The following IDE variants were observed in gnomAD, a reference collection of about 807,000 sequenced individuals.
IDE encodes insulin degrading enzyme.
IDE carries 58 observed loss-of-function variants against 133.2 expected under a neutral mutation model. The observed-to-expected ratio is 0.44, with a 90% CI of 0.35 to 0.54. The LOEUF (loss-of-function observed/expected upper bound fraction) is 0.54, where lower values mean the gene tolerates loss of function less well. Among genes scored for constraint, IDE ranks in the 20% least tolerant of loss-of-function variants. The probability of loss-of-function intolerance (pLI) is 0.00; values close to 1 mark genes in which losing one functional copy is unlikely to be tolerated. For synonymous variants in IDE, 396 were observed against 421.3 expected, an observed-to-expected ratio of 0.94 and a Z score of 0.73; for missense variants, 981 against 1,234.0, an observed-to-expected ratio of 0.79 and a Z score of 3.07.
chr10:92,516,322 CCTCT>C (rs1356615656), intron 4 of IDE, among the ~76,000 whole-genome samples: 2 of 151,958 alleles, frequency 1.3e-5, no homozygotes, highest in African/African-American at 2.4e-5. Flanking sequence ...GGTGAAAACC[CCTCT>C]CTATTAAAAA....
At chr10:92,491,011 G>T (rs1463394372) in intron 11 of IDE, among the ~76,000 whole-genome samples, 4 of 152,190 alleles carry the variant, frequency 2.6e-5, no homozygotes, top group African/African-American at 7.2e-5. Context: ...GCTGAGGCAG[G>T]ATGCTCACTT....
At position 92,536,715 on chromosome 10, in the gene IDE, A is replaced by G. The variant is rs1160755820; in HGVS notation, c.283+651T>C. Among the ~76,000 whole-genome samples, 5 of 146,788 alleles carry G rather than the reference A, an allele frequency of 3.4e-5. No individual in the cohort carries two copies. In the East Asian group the frequency reaches 6.1e-4, roughly 18 times the overall value. On this transcript the variant is annotated intron_variant, in intron 2 of 24. Transcript: ENST00000265986. Reference sequence around the variant, plus strand: ...CTCCCACTCAGAAAAAAAAAAAAAGAAAAAAGAAATGTGCACACAAGAACC... The same window carrying G: ...CTCCCACTCAGAAAAAAAAAAAAAGGAAAAAGAAATGTGCACACAAGAACC...
At chr10:92,460,506 TA>T (rs1324523374) in intron 22 of IDE, among the ~76,000 whole-genome samples, 2 of 152,168 alleles carry the variant, frequency 1.3e-5, no homozygotes, top group African/African-American at 2.4e-5. Context: ...GTCCTTGGTT[TA>T]GAGCATGGGT....
At chr10:92,507,544 C>T in intron 9 of IDE, 31 bp downstream of exon 9, 1 of 1,132,282 alleles carries the variant, frequency 8.8e-7, no homozygotes, top group Non-Finnish European at 1.3e-6. Context: ...AAACAGATTC[C>T]TTAAGAAAAA....
intron 11 of IDE, among the ~76,000 whole-genome samples, chr10:92,494,125 G>C (rs1035680384): frequency 6.6e-6 from 1 of 151,916 alleles, no homozygotes; most frequent in Non-Finnish European, 1.5e-5. Context: ...ACAGTGGTGT[G>C]ATCATACCTT....
rs901256089 is a variant in IDE, at chr10:92,507,962, C to G, written c.1153+151G>C. On this transcript the variant is annotated intron_variant, in intron 8 of 24. Transcript: ENST00000265986. ...GGAAGAATCATCCATGAAACAAAGG[C>G]CAAGTTACATATGAAAAATACAATG... 6 of 653,192 alleles carry G rather than the reference C, an allele frequency of 9.2e-6. No homozygotes were observed. In the African/African-American group the frequency reaches 1.1e-4, roughly 12 times the overall value. 40.5% of individuals were successfully genotyped at this position (653,192 alleles called of 1,614,324 possible). A position where few individuals can be genotyped will look rare whatever the true frequency, so the allele number is the denominator to read the frequency against.
intron 19 of IDE, among the ~76,000 whole-genome samples, chr10:92,466,152 C>T (rs1845669498): frequency 6.7e-6 from 1 of 149,854 alleles, no homozygotes; most frequent in Non-Finnish European, 1.5e-5. Flanking sequence ...GATCACTTGA[C>T]CCCAGGAGTT....
rs1182291447 is a variant in IDE at position 92,508,739 on chromosome 10, A to C, written c.1049T>G (p.Leu350Arg). Residue 350 changes from leucine to arginine, a missense_variant, in exon 7 of 25, where the codon CTT (leucine) becomes CGT (arginine). This residue lies in a region of IDE where 660 missense variants were observed against 894.7 expected (regional missense o/e 0.74). Transcript: ENST00000265986. ...HEGPGSLLSELKSKGWVNTLV... is the reference protein window; with the variant it reads ...HEGPGSLLSERKSKGWVNTLV... Reference sequence around the variant, plus strand: ...CCCAGGAGACTTACCCTTTGACTTAAGTTCTGATAACAGACTTCCAGGACC... The same window carrying C: ...CCCAGGAGACTTACCCTTTGACTTACGTTCTGATAACAGACTTCCAGGACC... 1.9e-6 allele frequency: 3 copies of C among 1,613,932 alleles called. No homozygotes were observed. Among genetic ancestry groups the C allele is most frequent in the Non-Finnish European group, 2.5e-6 (3 of 1,179,936 alleles).
chr10:92,483,435 GT>G, intron 13 of IDE, 98 bp from the exon 14 acceptor site: 1 of 698,544 alleles, frequency 1.4e-6, no homozygotes, highest in South Asian at 1.6e-5. Flanking sequence ...AGAAGCAATA[GT>G]TAGAGTTTTG....
rs1039264709 is a variant in IDE at position 92,452,344 on chromosome 10, G to T, written c.*2100C>A. The T allele has an allele frequency of 1.2e-4, 18 of 152,178 alleles. No individual in the cohort carries two copies. Among genetic ancestry groups the T allele is most frequent in the Non-Finnish European group, 2.6e-4 (18 of 68,016 alleles). The allele number at this position is 152,178 out of a possible 1,614,324, so 9.4% of individuals were successfully genotyped here. A position where few individuals can be genotyped will look rare whatever the true frequency, so the allele number is the denominator to read the frequency against. On this transcript the variant is annotated 3_prime_UTR_variant, in exon 25 of 25. Transcript: ENST00000265986. ...TCTTTCACATCAACTGGTCAAAAAAGAAGACTTTCTTAAGAAGCCTCAGGT... is the reference window on the plus strand; with the variant it reads ...TCTTTCACATCAACTGGTCAAAAAATAAGACTTTCTTAAGAAGCCTCAGGT...
chr10:92,564,671 C>CAAAAAAAA lies in IDE; in HGVS notation c.98+9243_98+9250dup, dbSNP rs532861372. Among the ~76,000 whole-genome samples the CAAAAAAAA allele has an allele frequency of 2.2e-3, 70 of 31,584 alleles. 13 individuals carry two copies. The highest frequency in any genetic ancestry group is 3.6e-3 in the Non-Finnish European group (58 of 16,300). The allele number at this position is 31,584 out of a possible 152,430, so 20.7% of individuals were successfully genotyped here. On this transcript the variant is annotated intron_variant, in intron 1 of 24. Coordinates refer to ENST00000265986, the MANE Select transcript of IDE (RefSeq NM_004969.4). Reference sequence around the variant, plus strand: ...CCTGGGCGATAAAGCGAGACTGTCTCAAAAAAAAAAAAAAAAAAAAAAAAA... The same window carrying CAAAAAAAA: ...CCTGGGCGATAAAGCGAGACTGTCTCAAAAAAAAAAAAAAAAAAAAAAAAAAAAAAAAA...
intron 4 of IDE, among the ~76,000 whole-genome samples, chr10:92,530,067 A>G (rs1849831191): frequency 6.6e-6 from 1 of 151,922 alleles, no homozygotes; most frequent in Non-Finnish European, 1.5e-5. Flanking sequence ...CTCTACTAAA[A>G]GTACACAAAT....
chr10:92,458,959 C>T (rs898050993), intron 22 of IDE, among the ~76,000 whole-genome samples: 13 of 152,114 alleles, frequency 8.5e-5, no homozygotes, highest in Non-Finnish European at 1.8e-4. Flanking sequence ...ACTTCTTTTC[C>T]TCTATACAAT....
At chr10:92,480,628 C>G (rs574295423) in intron 14 of IDE, 1 of 152,320 alleles carries the variant, frequency 6.6e-6, no homozygotes, top group African/African-American at 2.4e-5. Flanking sequence ...TGGAGAACTT[C>G]CCAGGCTGAA....
chr10:92,510,756 TCA>T (rs932652450), intron 5 of IDE, among the ~76,000 whole-genome samples: 52 of 140,516 alleles, frequency 3.7e-4, no homozygotes, highest in Non-Finnish European at 6.7e-4. Context: ...CACATACATC[TCA>T]CATATATGAT....
At chr10:92,511,911 C>G (rs1298068510) in intron 5 of IDE, among the ~76,000 whole-genome samples, 1 of 152,140 alleles carries the variant, frequency 6.6e-6, no homozygotes, top group East Asian at 1.9e-4. Flanking sequence ...ACAGCAACAC[C>G]CTGAGCAAGG....
intron 5 of IDE, among the ~76,000 whole-genome samples, chr10:92,514,408 TA>T (rs1369492467): frequency 6.6e-6 from 1 of 152,116 alleles, no homozygotes; most frequent in Non-Finnish European, 1.5e-5. Flanking sequence ...TGAATTGTTA[TA>T]AGGTCAAATC....
rs1270312493 is a variant in IDE, at chr10:92,470,277, G to A, written c.2185C>T (p.Leu729Phe). The A allele has an allele frequency of 6.2e-7, 1 of 1,605,436 alleles. No individual in the cohort carries two copies. ...ACCTGCTTTGTTATGTTTCCATGGA[G>A]AAGGGCTTCAATGTGCAGCCGTGAC... Reference protein sequence around the residue: ...LLSRLHIEALLHGNITKQAAL... With the variant: ...LLSRLHIEALFHGNITKQAAL... Residue 729 changes from leucine to phenylalanine, a missense_variant, in exon 18 of 25, where the codon CTC becomes TTC. Physicochemically the swap from Leu to Phe is conservative, Grantham distance 22 (BLOSUM62 0). Around this residue, in one of 2 missense-constraint regions of IDE, gnomAD observed 660 missense variants for 894.7 expected, o/e 0.74. Transcript: ENST00000265986.
intron 11 of IDE, among the ~76,000 whole-genome samples, chr10:92,496,431 T>G (rs1480555791): frequency 5.3e-5 from 8 of 152,172 alleles, no homozygotes; most frequent in African/African-American, 1.9e-4. Flanking sequence ...CTCTTTAAAC[T>G]GTAAAGGTGG....
Sources: gnomAD v4.1 joint callset for allele counts (sites outside exome capture counted in the v4.1 genomes callset) on GRCh38, gnomAD v4.1.1 for gene constraint, gnomAD v4.1.1 regional missense constraint, MANE v1.5 for transcripts, NCBI Gene and HGNC (gene_info 2026-07-23, HGNC 2026-07-21) for gene names.